The following GSE1 variants were observed in gnomAD, a reference collection of about 807,000 sequenced individuals.
GSE1 encodes the protein Gse1 coiled-coil protein.
In GSE1, 32 loss-of-function variants were observed where a neutral mutation model predicts 112.6. The ratio of observed to expected loss-of-function variants is 0.28; its 90% confidence interval spans 0.21 to 0.38. The LOEUF (loss-of-function observed/expected upper bound fraction) is 0.38, where lower values mean the gene tolerates loss of function less well. Among genes scored for constraint, GSE1 ranks in the 10% least tolerant of loss-of-function variants. GSE1 has a pLI of 1.00. For synonymous variants in GSE1, 1,115 were observed against 735.6 expected (o/e 1.52, Z -8.35); for missense variants, 2,348 against 1,699.2 (o/e 1.38, Z -6.71).
intron 2 of GSE1, among the ~76,000 whole-genome samples, chr16:85,422,369 C>CCG: frequency 1.3e-5 from 1 of 78,578 alleles, no homozygotes; most frequent in East Asian, 3.0e-4. Context: ...CTGGGCGGGG[C>CCG]GGGGGGGGGT....
At chr16:85,299,373 T>G (rs181556265) in intron 1 of GSE1, among the ~76,000 whole-genome samples, 9 of 152,256 alleles carry the variant, frequency 5.9e-5, no homozygotes, top group East Asian at 5.8e-4. Flanking sequence ...GATTTCTGAG[T>G]CCTGGGCTGC....
intron 3 of GSE1, 95 bp from the exon 4 acceptor site, chr16:85,654,183 C>A: frequency 1.8e-6 from 2 of 1,138,594 alleles, no homozygotes; most frequent in Middle Eastern, 2.9e-4. Context: ...TGAACTAAAT[C>A]TAGCGCCTTC....
chr16:85,385,534 C>T (rs752282845), intron 2 of GSE1, among the ~76,000 whole-genome samples: 5 of 152,120 alleles, frequency 3.3e-5, no homozygotes, highest in African/African-American at 4.8e-5. Flanking sequence ...GGAAGCCAAG[C>T]GGAGTTTGTG....
In GSE1 at chr16:85,373,967, C is replaced by T. The variant is rs982437074; in HGVS notation, c.2464+16324C>T. On this transcript the variant is annotated intron_variant, in intron 2 of 2. Coordinates refer to the GSE1 transcript ENST00000637419. The surrounding 1 kb of genome is among the most constrained non-coding windows in gnomAD (Gnocchi z 5.1). ...GTCAGCGGCGCCTTATCCATCGCCCCACGGTGGCTGCATGTGCGTATGTGT... is the reference window on the plus strand; with the variant it reads ...GTCAGCGGCGCCTTATCCATCGCCCTACGGTGGCTGCATGTGCGTATGTGT... Among the ~76,000 whole-genome samples, 11 of 152,252 alleles carry T rather than the reference C, an allele frequency of 7.2e-5. No homozygotes were observed. The highest frequency in any genetic ancestry group is 2.2e-4 in the African/African-American group (9 of 41,462).
intron 3 of GSE1, 51 bp downstream of exon 3, chr16:85,648,802 A>G (rs1203527087): frequency 1.8e-6 from 2 of 1,110,204 alleles, no homozygotes; most frequent in Non-Finnish European, 1.3e-6. Context: ...GGGAGGCTGG[A>G]TTCAGGCATC....
In GSE1 at chr16:85,666,074, G is replaced by C. The variant is rs151157646; in HGVS notation, c.2857G>C (p.Glu953Gln). The change falls in exon 13 of 16, where the codon GAA (glutamate) becomes CAA (glutamine). Residue 953 changes from glutamate to glutamine, a missense_variant. Coordinates refer to ENST00000253458, the MANE Select transcript of GSE1 (RefSeq NM_014615.5). ...AAAGGCCGCGGAGCCTGGGAAGCTG[G>C]AACAGGTCCGGCCCCAGGAGCTGTC... ...IPKAAEPGKL[E>Q]QVRPQELSRV... is the part of the protein sequence containing the mutation. 1 of 1,613,380 alleles carries C rather than the reference G, an allele frequency of 6.2e-7. No individual in the cohort carries two copies. Among genetic ancestry groups the C allele is most frequent in the Non-Finnish European group, 8.5e-7 (1 of 1,180,004 alleles).
chr16:85,630,782 C>A (rs1268029567), intron 1 of GSE1, among the ~76,000 whole-genome samples: 3 of 152,202 alleles, frequency 2.0e-5, no homozygotes, highest in Non-Finnish European at 2.9e-5. Flanking sequence ...CCTGGACATG[C>A]TGCTCAACTG....
chr16:85,225,686 C>A (rs1255755488), intron 1 of GSE1, among the ~76,000 whole-genome samples: 1 of 152,222 alleles, frequency 6.6e-6, no homozygotes, highest in Non-Finnish European at 1.5e-5. Context: ...CACTCTGTTT[C>A]ACTGCACAGA....
intron 2 of GSE1, among the ~76,000 whole-genome samples, chr16:85,391,357 C>T (rs1282405390): frequency 2.0e-5 from 3 of 152,208 alleles, no homozygotes; most frequent in African/African-American, 7.2e-5. Flanking sequence ...ATATCTGTCC[C>T]CTGCGGCTGC....
At chr16:85,215,586 T>C (rs759089971) in intron 1 of GSE1, among the ~76,000 whole-genome samples, 6 of 152,190 alleles carry the variant, frequency 3.9e-5, no homozygotes, top group Non-Finnish European at 5.9e-5. Flanking sequence ...ATATCTGCCT[T>C]ATAGAGCTGT....
intron 2 of GSE1, among the ~76,000 whole-genome samples, chr16:85,446,757 G>A (rs900461073): frequency 3.3e-5 from 5 of 152,168 alleles, no homozygotes; most frequent in African/African-American, 7.2e-5. Flanking sequence ...GGTAGCCTGC[G>A]TCCTGTTCCG....
chr16:85,212,749 G>A (rs1207565995), intron 1 of GSE1, among the ~76,000 whole-genome samples: 2 of 152,198 alleles, frequency 1.3e-5, no homozygotes, highest in Non-Finnish European at 2.9e-5. Flanking sequence ...CCGCCCACTC[G>A]CAGGGGTGAC....
intron 1 of GSE1, among the ~76,000 whole-genome samples, chr16:85,181,181 G>A (rs1033699387): frequency 1.3e-5 from 2 of 152,286 alleles, no homozygotes; most frequent in African/African-American, 2.4e-5. Flanking sequence ...CGCTGACACC[G>A]GCTAACTTGG....
At chr16:85,590,213 CAT>C (rs1299900542) in intron 1 of GSE1, among the ~76,000 whole-genome samples, 1 of 151,762 alleles carries the variant, frequency 6.6e-6, no homozygotes, top group Non-Finnish European at 1.5e-5. Flanking sequence ...ATTGTGTGAA[CAT>C]GTGTGACCTT....
intron 1 of GSE1, among the ~76,000 whole-genome samples, chr16:85,290,352 G>C (rs992756548): frequency 1.3e-5 from 2 of 152,188 alleles, no homozygotes; most frequent in African/African-American, 4.8e-5. Flanking sequence ...AGCCTTCAAG[G>C]ATCCCTCCCC....
At chr16:85,184,600 C>G (rs992784553) in intron 1 of GSE1, among the ~76,000 whole-genome samples, 3 of 152,178 alleles carry the variant, frequency 2.0e-5, no homozygotes, top group African/African-American at 7.2e-5. Context: ...TAAAGCTATG[C>G]ATGTTCCTCT....
chr16:85,610,643 C>G (rs896236861), upstream of GSE1, among the ~76,000 whole-genome samples: 3 of 152,232 alleles, frequency 2.0e-5, no homozygotes, highest in Admixed American at 1.3e-4. Context: ...TGGCCGCCAG[C>G]GTTTCCCGGC....
At chr16:85,299,319 T>G (rs908948627) in intron 1 of GSE1, among the ~76,000 whole-genome samples, 1 of 152,230 alleles carries the variant, frequency 6.6e-6, no homozygotes, top group Non-Finnish European at 1.5e-5. Context: ...CGGGCCGGTC[T>G]GCAGGTGACA....
intron 2 of GSE1, among the ~76,000 whole-genome samples, chr16:85,413,379 T>A (rs12934659): frequency 0.69 from 104,289 of 151,916 alleles, 36,436 homozygotes; most frequent in African/African-American, 0.79. Context: ...CTGCCTGAAG[T>A]TGGGGAGATT....
Sources: allele counts gnomAD v4.1 joint callset (sites outside exome capture counted in the v4.1 genomes callset), GRCh38; gene constraint gnomAD v4.1.1; non-coding constraint Gnocchi (gnomAD v3.1); transcripts MANE v1.5; gene names NCBI Gene and HGNC (gene_info 2026-07-23, HGNC 2026-07-21).